The following CIP2A variants were observed in gnomAD, a reference collection of about 807,000 sequenced individuals.
CIP2A encodes cellular inhibitor of PP2A, also known as protein CIP2A.
In CIP2A, 103 loss-of-function variants were observed where a neutral mutation model predicts 110.9. That is an observed-to-expected ratio of 0.93 (90% CI 0.79 to 1.09). The LOEUF (loss-of-function observed/expected upper bound fraction) is 1.09. CIP2A is among the 50% of genes least tolerant of loss of function. CIP2A has a pLI of 0.00. For synonymous variants in CIP2A, 381 were observed against 361.6 expected, an observed-to-expected ratio of 1.05 and a Z score of -0.61; for missense variants, 1,088 against 1,038.4, an observed-to-expected ratio of 1.05 and a Z score of -0.66.
chr3:108,586,011 A>T (rs980459057), intron 1 of CIP2A, among the ~76,000 whole-genome samples: 1 of 152,146 alleles, frequency 6.6e-6, no homozygotes, highest in African/African-American at 2.4e-5. Flanking sequence ...TACTTTATGG[A>T]TGTATTTATT....
rs1430910815 is a variant in CIP2A at position 108,575,729 on chromosome 3, T to TAC, written c.894+540_894+541dup. On this transcript the variant is annotated intron_variant, in intron 8 of 20. Transcript: ENST00000295746. ...ATATACTCATATACATGTGTATATA[T>TAC]ACGTGTATATATACTCATATACATG... Among the ~76,000 whole-genome samples, 2 of 25,112 alleles carry TAC rather than the reference T, an allele frequency of 8.0e-5. 1 individual carries two copies. Among genetic ancestry groups the TAC allele is most frequent in the African/African-American group, 3.2e-4 (2 of 6,160 alleles). 16.5% of individuals were successfully genotyped at this position (25,112 alleles called of 152,430 possible).
intron 1 of CIP2A, among the ~76,000 whole-genome samples, chr3:108,588,210 C>G (rs1379344428): frequency 1.3e-5 from 2 of 152,142 alleles, no homozygotes; most frequent in Non-Finnish European, 2.9e-5. Flanking sequence ...GGAGCCTATG[C>G]TAATTCAGAA....
chr3:108,557,146 G>T, intron 17 of CIP2A, 72 bp downstream of exon 17: 1 of 928,696 alleles, frequency 1.1e-6, no homozygotes. Flanking sequence ...AAGGATTTTC[G>T]GGTCTCAGAA....
At chr3:108,557,907 C>T (rs1460706024) in intron 16 of CIP2A, among the ~76,000 whole-genome samples, 2 of 152,092 alleles carry the variant, frequency 1.3e-5, no homozygotes, top group African/African-American at 4.8e-5. Context: ...ATATGAAACA[C>T]TAAAAAAGCA....
At chr3:108,585,745 G>C (rs1411548418) in intron 1 of CIP2A, 4 of 456,410 alleles carry the variant, frequency 8.8e-6, no homozygotes, top group African/African-American at 8.0e-5. Flanking sequence ...AAGACAATAG[G>C]TGAGCTCAGA....
intron 20 of CIP2A, 21 bp from the exon 21 acceptor site, chr3:108,551,340 G>A (rs879000612): frequency 1.9e-6 from 3 of 1,562,644 alleles, no homozygotes; most frequent in Non-Finnish European, 2.6e-6. Flanking sequence ...GGGGTTGGGG[G>A]AGGAGGAAGA....
intron 7 of CIP2A, among the ~76,000 whole-genome samples, chr3:108,576,995 G>T (rs1455060413): frequency 1.3e-5 from 2 of 152,144 alleles, no homozygotes; most frequent in African/African-American, 4.8e-5. Context: ...AAAGAATATT[G>T]TCTCAGTATT....
chr3:108,571,106 AG>A (rs1293265555), intron 8 of CIP2A, among the ~76,000 whole-genome samples: 1 of 152,126 alleles, frequency 6.6e-6, no homozygotes, highest in African/African-American at 2.4e-5. Flanking sequence ...GAAGGTCTTC[AG>A]GGGCAGTAAC....
intron 5 of CIP2A, among the ~76,000 whole-genome samples, chr3:108,580,690 G>A (rs1290066003): frequency 1.3e-5 from 2 of 151,648 alleles, no homozygotes; most frequent in Non-Finnish European, 2.9e-5. Context: ...GGGCAGTGGC[G>A]CGATCTCAGC....
chr3:108,573,318 C>G (rs561822970), intron 8 of CIP2A, among the ~76,000 whole-genome samples: 2 of 151,854 alleles, frequency 1.3e-5, no homozygotes, highest in South Asian at 2.1e-4. Flanking sequence ...AGACACTATA[C>G]GCTATTACAT....
Position 108,583,004 on chromosome 3 carries a change from G to T in CIP2A, c.330C>A (p.Ser110Arg), listed in dbSNP as rs1232906380. ...GCAAAAACACCGAATCAGTGTGGCT[G>T]CTCCGACAAACCACTCCCGCCAGCA... Reference protein sequence around the residue: ...NSVLAGVVCRSSHTDSVFLQC... With the variant: ...NSVLAGVVCRRSHTDSVFLQC... Residue 110 changes from serine (S) to arginine (R), a missense_variant, in exon 3 of 21, where the codon AGC becomes AGA. Coordinates refer to ENST00000295746, the MANE Select transcript of CIP2A (RefSeq NM_020890.3). 2 of 1,610,048 alleles carry T rather than the reference G, an allele frequency of 1.2e-6. No individual in the cohort carries two copies. Among genetic ancestry groups the T allele is most frequent in the Non-Finnish European group, 1.7e-6 (2 of 1,178,020 alleles).
intron 20 of CIP2A, among the ~76,000 whole-genome samples, chr3:108,551,679 C>T (rs770057552): frequency 2.0e-5 from 3 of 152,084 alleles, no homozygotes; most frequent in African/African-American, 7.2e-5. Flanking sequence ...TCTTCTGTTA[C>T]TCAGTAGTAG....
At chr3:108,581,642 AC>A (rs1347627219) in intron 4 of CIP2A, 131 bp from the exon 5 acceptor site, 1 of 597,946 alleles carries the variant, frequency 1.7e-6, no homozygotes, top group Non-Finnish European at 2.9e-6. Context: ...AAAAAAAAAA[AC>A]TAATTAACAT....
At chr3:108,575,043 T>C (rs565351571) in intron 8 of CIP2A, 1 of 152,300 alleles carries the variant, frequency 6.6e-6, no homozygotes, top group East Asian at 1.9e-4. Flanking sequence ...CCCGGACAAG[T>C]GGTGAGCACT....
intron 16 of CIP2A, among the ~76,000 whole-genome samples, chr3:108,557,886 TTTA>T (rs1200490566): frequency 1.3e-5 from 2 of 152,160 alleles, no homozygotes; most frequent in South Asian, 2.1e-4. Flanking sequence ...CCTGCATGTA[TTTA>T]TTATGTGATA....
Position 108,589,343 on chromosome 3 carries a change from G to T in CIP2A, c.33C>A (p.Leu11=), listed in dbSNP as rs62638698. The T allele has an allele frequency of 1.2e-6, 2 of 1,613,914 alleles. No homozygotes were observed. The highest frequency in any genetic ancestry group is 1.7e-6 in the Non-Finnish European group (2 of 1,179,898). MDSTACLKSL[L]LTVSQYKAVK... ...CGGCTTTGTACTGACTGACAGTCAG[G>T]AGCAAGGACTTCAAGCAGGCAGTGG... is the stretch of plus-strand genomic sequence containing the variant. The change falls in exon 1 of 21, where the codon CTC becomes CTA. Residue 11 remains leucine, a synonymous_variant. Coordinates refer to ENST00000295746, the MANE Select transcript of CIP2A (RefSeq NM_020890.3).
chr3:108,583,778 A>G (rs573050626), intron 2 of CIP2A, among the ~76,000 whole-genome samples: 1 of 152,372 alleles, frequency 6.6e-6, no homozygotes, highest in African/African-American at 2.4e-5. Context: ...TTCTAAATAC[A>G]TAGAAATGAT....
At chr3:108,580,792 C>T (rs979049291) in intron 5 of CIP2A, among the ~76,000 whole-genome samples, 2 of 152,030 alleles carry the variant, frequency 1.3e-5, no homozygotes, top group African/African-American at 4.8e-5. Flanking sequence ...CCACGCCTGG[C>T]TAATTTTTTG....
At chr3:108,582,329 A>G in intron 3 of CIP2A, 127 bp from the exon 4 acceptor site, 1 of 429,604 alleles carries the variant, frequency 2.3e-6, no homozygotes, top group Non-Finnish European at 4.2e-6. Context: ...TAAAAAACAC[A>G]TGTAAAGTAA....
Sources: allele counts gnomAD v4.1 joint callset (sites outside exome capture counted in the v4.1 genomes callset), GRCh38; gene constraint gnomAD v4.1.1; transcripts MANE v1.5; gene names NCBI Gene and HGNC (gene_info 2026-07-23, HGNC 2026-07-21).